Variants in TMEM232 observed in about 807,000 individuals in gnomAD.
The protein encoded by TMEM232 is transmembrane protein 232.
In TMEM232, 80 loss-of-function variants were observed where a neutral mutation model predicts 78.8. The ratio of observed to expected loss-of-function variants is 1.01; its 90% CI spans 0.85 to 1.22. The LOEUF (loss-of-function observed/expected upper bound fraction) is 1.22, where lower values mean the gene tolerates loss of function less well. Among genes scored for constraint, TMEM232 ranks in the 50% most tolerant of loss-of-function variants. The pLI, the probability that TMEM232 is intolerant of heterozygous loss-of-function variation, is 0.00. For synonymous variants in TMEM232, 297 were observed against 254.3 expected, an observed-to-expected ratio of 1.17 and a Z score of -1.60; for missense variants, 881 against 742.2, an observed-to-expected ratio of 1.19 and a Z score of -2.17.
intron 1 of TMEM232, among the ~76,000 whole-genome samples, chr5:110,681,229 C>G (rs1474034627): frequency 6.6e-6 from 1 of 151,986 alleles, no homozygotes; most frequent in Non-Finnish European, 1.5e-5. Context: ...GAAATTTGGC[C>G]GAGGGGTGAG....
intron 12 of TMEM232, among the ~76,000 whole-genome samples, chr5:110,471,384 G>A (rs919828859): frequency 6.6e-6 from 1 of 152,012 alleles, no homozygotes; most frequent in African/African-American, 2.4e-5. Flanking sequence ...GAAGAGATAT[G>A]GAAATCCAGA....
At chr5:110,424,971 C>A in intron 12 of TMEM232, 55 bp from the exon 13 acceptor site, 1 of 1,218,132 alleles carries the variant, frequency 8.2e-7, no homozygotes, top group Non-Finnish European at 1.1e-6. Context: ...TCCTATTCCC[C>A]AGAAATAGAA....
At chr5:110,388,285 C>T (rs1022921203) in intron 4 of TMEM232, among the ~76,000 whole-genome samples, 14 of 152,094 alleles carry the variant, frequency 9.2e-5, no homozygotes, top group African/African-American at 3.1e-4. Context: ...TTCCACTTGG[C>T]CAGCACCATC....
intron 1 of TMEM232, among the ~76,000 whole-genome samples, chr5:110,698,985 T>A (rs972397679): frequency 1.3e-5 from 2 of 152,052 alleles, no homozygotes; most frequent in African/African-American, 4.8e-5. Flanking sequence ...AAGGATCTCT[T>A]AGAGGTGTTG....
Position 110,625,392 on chromosome 5 carries a change from T to A in TMEM232, c.643A>T (p.Ile215Phe). 6.5e-7 allele frequency: 1 copy of A among 1,545,608 alleles called. No individual in the cohort carries two copies. Among genetic ancestry groups the A allele is most frequent in the East Asian group, 2.5e-5 (1 of 40,644 alleles). Residue 215 changes from isoleucine (I) to phenylalanine (F), a missense_variant, in exon 7 of 14, where the codon ATC becomes TTC. Physicochemically the swap from Ile to Phe is conservative, Grantham distance 21. Coordinates refer to ENST00000455884, the MANE Select transcript of TMEM232 (RefSeq NM_001039763.4). ...SGASYHKYPNIFSNVQFILKA... is the reference protein window; with the variant it reads ...SGASYHKYPNFFSNVQFILKA... ...AGGATGAATTGCACATTTGAAAAGA[T>A]GTTTGGATACTTGTGATATGATGCT...
At chr5:110,528,938 T>C in intron 11 of TMEM232, 103 bp from the exon 12 acceptor site, 1 of 1,039,616 alleles carries the variant, frequency 9.6e-7, no homozygotes, top group Non-Finnish European at 1.2e-6. Flanking sequence ...TTTCTTTGAC[T>C]AATATTGCAT....
chr5:110,483,587 C>T (rs1018186996), intron 12 of TMEM232, among the ~76,000 whole-genome samples: 12 of 151,576 alleles, frequency 7.9e-5, no homozygotes, highest in East Asian at 3.9e-4. Context: ...CATCACACAC[C>T]GCGGCCTGTT....
In TMEM232 at chr5:110,562,635, G is replaced by A. The variant is rs183165645; in HGVS notation, c.1455+5812C>T. 8.5e-5 allele frequency among the ~76,000 whole-genome samples: 13 copies of A among 152,056 alleles called. No individual in the cohort carries two copies. The East Asian group carries it at 1.7e-3, about 20-fold the overall frequency. ...TAGTCTTTGTCTATTTCTGGAGAAC[G>A]TGCTTTCTGGATGAGACAATAAAGC... is the stretch of plus-strand genomic sequence containing the variant. On this transcript the variant is annotated intron_variant, in intron 11 of 13. Coordinates refer to ENST00000455884, the MANE Select transcript of TMEM232 (RefSeq NM_001039763.4).
chr5:110,692,112 G>A (rs564309990), intron 1 of TMEM232, among the ~76,000 whole-genome samples: 5 of 152,018 alleles, frequency 3.3e-5, no homozygotes, highest in South Asian at 2.1e-4. Flanking sequence ...TAGTAGAGAC[G>A]GGGTTTCACC....
intron 7 of TMEM232, among the ~76,000 whole-genome samples, chr5:110,620,203 C>T (rs1262458866): frequency 1.3e-5 from 2 of 152,106 alleles, no homozygotes; most frequent in Non-Finnish European, 2.9e-5. Context: ...AAAAAGCATC[C>T]TCTCATGTCT....
intron 1 of TMEM232, among the ~76,000 whole-genome samples, chr5:110,713,607 G>T (rs1022998344): frequency 6.6e-6 from 1 of 151,894 alleles, no homozygotes; most frequent in Non-Finnish European, 1.5e-5. Context: ...TTCAAAATTT[G>T]AAAAACAAAA....
intron 12 of TMEM232, among the ~76,000 whole-genome samples, chr5:110,464,531 C>A (rs185641647): frequency 1.3e-5 from 2 of 152,214 alleles, no homozygotes; most frequent in East Asian, 3.9e-4. Context: ...TAAATGGACA[C>A]CTAGGTGTCC....
At chr5:110,580,165 C>T (rs758947664) in intron 10 of TMEM232, among the ~76,000 whole-genome samples, 16 of 151,760 alleles carry the variant, frequency 1.1e-4, no homozygotes, top group South Asian at 2.1e-4. Flanking sequence ...TAAATACAGA[C>T]ATTTGCCACA....
chr5:110,717,956 T>A (rs2150336792), intron 1 of TMEM232, among the ~76,000 whole-genome samples: 1 of 152,256 alleles, frequency 6.6e-6, no homozygotes, highest in East Asian at 1.9e-4. Flanking sequence ...GAGAATGGAC[T>A]AATACAAGGT....
At chr5:110,665,038 T>A (rs569378704) in intron 2 of TMEM232, among the ~76,000 whole-genome samples, 2 of 152,284 alleles carry the variant, frequency 1.3e-5, no homozygotes, top group South Asian at 4.1e-4. Context: ...CACATTGAGG[T>A]TGGGACTTCA....
At chr5:110,562,669 A>G (rs1361904761) in intron 11 of TMEM232, among the ~76,000 whole-genome samples, 1 of 152,058 alleles carries the variant, frequency 6.6e-6, no homozygotes, top group Non-Finnish European at 1.5e-5. Context: ...GCTTATGTGT[A>G]AAGGTTATGT....
At chr5:110,406,977 C>G (rs1580567382) in intron 2 of TMEM232, among the ~76,000 whole-genome samples, 1 of 151,710 alleles carries the variant, frequency 6.6e-6, no homozygotes, top group East Asian at 1.9e-4. Context: ...AACCACAATG[C>G]AAAAATCTGA....
At chr5:110,400,313 T>G (rs968264157) in intron 2 of TMEM232, among the ~76,000 whole-genome samples, 2 of 152,122 alleles carry the variant, frequency 1.3e-5, no homozygotes, top group African/African-American at 4.8e-5. Context: ...GTAAAAGAAG[T>G]GACGTGTCAT....
intron 11 of TMEM232, among the ~76,000 whole-genome samples, chr5:110,546,795 A>T (rs999379152): frequency 1.3e-5 from 2 of 152,140 alleles, no homozygotes; most frequent in African/African-American, 2.4e-5. Flanking sequence ...TATAGTTTAT[A>T]CCACAGAACT....
Sources: gnomAD v4.1 joint callset for allele counts (sites outside exome capture counted in the v4.1 genomes callset) on GRCh38, gnomAD v4.1.1 for gene constraint, MANE v1.5 for transcripts, NCBI Gene and HGNC (gene_info 2026-07-23, HGNC 2026-07-21) for gene names.